BRCA2: variants seen among roughly 807,000 people sequenced by gnomAD.
BRCA2 encodes the protein breast cancer type 2 susceptibility protein.
Under a neutral mutation model 276.7 loss-of-function variants are expected in BRCA2, and 203 were observed. That is an observed-to-expected ratio of 0.73 (90% CI 0.65 to 0.82). The LOEUF (loss-of-function observed/expected upper bound fraction) is 0.82. BRCA2 is among the 40% of genes least tolerant of loss of function. The probability of loss-of-function intolerance (pLI) is 0.00; values close to 1 mark genes in which losing one functional copy is unlikely to be tolerated. For missense variants in BRCA2, 3,920 were observed against 3,915.0 expected (o/e 1.00, Z -0.03); for synonymous variants, 1,289 against 1,338.4 (o/e 0.96, Z 0.81).
rs2137622236 is a variant in BRCA2 at position 32,379,779 on chromosome 13, G to T, written c.8983G>T (p.Asp2995Tyr). 1 of 1,612,698 alleles carries T rather than the reference G, an allele frequency of 6.2e-7. No individual in the cohort carries two copies. Among genetic ancestry groups the T allele is most frequent in the Non-Finnish European group, 8.5e-7 (1 of 1,178,824 alleles). ...ACTGAGTATTTGGCGTCCATCATCA[G>T]ATTTATATTCTCTGTTAACAGAAGG... ...VILSIWRPSS[D>Y]LYSLLTEGKR... Residue 2995 changes from aspartate to tyrosine, a missense_variant, in exon 23 of 27, where the codon GAT (aspartate) becomes TAT (tyrosine). This residue lies in a region of BRCA2 where 657 missense variants were observed against 758.2 expected (regional missense o/e 0.87). Transcript: ENST00000380152.
rs1566224563 is a variant in BRCA2, at chr13:32,333,362, A to G, written c.1884A>G (p.Pro628=). 1.2e-6 allele frequency: 2 copies of G among 1,609,430 alleles called. No homozygotes were observed. Among genetic ancestry groups the G allele is most frequent in the African/African-American group, 1.3e-5 (1 of 74,760 alleles). Reference sequence around the variant, plus strand: ...TTGAAGCAAATGCTTTTGAAGCACCACTTACATTTGCAAATGCTGATTCAG... The same window carrying G: ...TTGAAGCAAATGCTTTTGAAGCACCGCTTACATTTGCAAATGCTGATTCAG... The part of the protein sequence containing the change: ...AQFEANAFEA[P]LTFANADSGL... Residue 628 remains proline, a synonymous_variant, in exon 10 of 27, where the codon CCA becomes CCG. Transcript: ENST00000380152.
intron 24 of BRCA2, among the ~76,000 whole-genome samples, chr13:32,392,584 C>T (rs1228597027): frequency 1.2e-4 from 5 of 42,250 alleles, no homozygotes; most frequent in East Asian, 6.3e-4. Context: ...AGTGAGACTG[C>T]GTCTCAAAAA....
intron 13 of BRCA2, among the ~76,000 whole-genome samples, chr13:32,351,092 G>A (rs1566239315): frequency 6.6e-6 from 1 of 152,164 alleles, no homozygotes; most frequent in South Asian, 2.1e-4. Context: ...ATAAAAGCTG[G>A]CCACCTGAGC....
At position 32,335,756 on chromosome 13, in the gene BRCA2, A is replaced by T. The variant is rs1413696038; in HGVS notation, c.1910-509A>T. ...ATTATTAAAAAAACAACTTAGGTCT[A>T]ATTTATCTTGAGCTAAAAAATGTAA... On this transcript the variant is annotated intron_variant, in intron 10 of 26. Transcript: ENST00000380152. Among the ~76,000 whole-genome samples, 2 of 152,190 alleles carry T rather than the reference A, an allele frequency of 1.3e-5. 1 individual carries two copies. The highest frequency in any genetic ancestry group is 4.8e-5 in the African/African-American group (2 of 41,454).
chr13:32,316,394 A>G, intron 1 of BRCA2, 28 bp from the exon 2 acceptor site: 3 of 1,349,086 alleles, frequency 2.2e-6, no homozygotes, highest in South Asian at 1.2e-5. Flanking sequence ...ATCCCTGTGT[A>G]AGTGCATTTT....
rs1244178555 is a variant in BRCA2 at position 32,330,916 on chromosome 13, C to T, written c.682-3C>T. The T allele has an allele frequency of 3.2e-6, 5 of 1,577,610 alleles. No individual in the cohort carries two copies. Among genetic ancestry groups the T allele is most frequent in the Non-Finnish European group, 4.4e-6 (5 of 1,147,720 alleles). ...TAGTGATTTTAAACTATAATTTTTGCAGAATGTGAAAAGCTATTTTTCCAA... is the reference window on the plus strand; with the variant it reads ...TAGTGATTTTAAACTATAATTTTTGTAGAATGTGAAAAGCTATTTTTCCAA... On this transcript the variant is annotated splice_polypyrimidine_tract_variant and splice_region_variant and intron_variant, in intron 8 of 26. Transcript: ENST00000380152.
rs11571663 is a variant in BRCA2, at chr13:32,341,669, A to G, written c.6841+473A>G. On this transcript the variant is annotated intron_variant, in intron 11 of 26. Transcript: ENST00000380152. ...ATCACGAGGTCAGGAGATCGAGACC[A>G]TCCCGGCTAAAACGGTGAAACCCCG... is the stretch of plus-strand genomic sequence containing the variant. Among the ~76,000 whole-genome samples the G allele has an allele frequency of 0.041, 6,230 of 152,096 alleles. 218 individuals carry two copies. The highest frequency in any genetic ancestry group is 0.11 in the South Asian group (553 of 4,816).
Position 32,346,900 on chromosome 13 carries a change from A to C in BRCA2, c.7007+4A>C. The C allele has an allele frequency of 6.2e-7, 1 of 1,602,338 alleles. No individual in the cohort carries two copies. The highest frequency in any genetic ancestry group is 1.1e-5 in the South Asian group (1 of 89,560). ...CGATTACCTGTGTACCCTTTCGGTA[A>C]GACATGTTTAAATTTTTCTAAATTC... On this transcript the variant is annotated splice_donor_region_variant and intron_variant, in intron 13 of 26. Coordinates refer to ENST00000380152, the MANE Select transcript of BRCA2 (RefSeq NM_000059.4).
intron 2 of BRCA2, among the ~76,000 whole-genome samples, chr13:32,318,675 T>C (rs546884052): frequency 6.6e-6 from 1 of 152,208 alleles, no homozygotes; most frequent in Non-Finnish European, 1.5e-5. Context: ...TCTGACCTCG[T>C]GATCTGCTCG....
intron 13 of BRCA2, among the ~76,000 whole-genome samples, chr13:32,350,531 C>T (rs769978834): frequency 4.1e-4 from 63 of 152,164 alleles, no homozygotes; most frequent in Non-Finnish European, 7.8e-4. Flanking sequence ...GGGTGGATCA[C>T]AAGGTCAGGA....
At position 32,340,966 on chromosome 13, in the gene BRCA2, C is replaced by A. The variant is rs1555284771; in HGVS notation, c.6611C>A (p.Pro2204His). The stretch of plus-strand genomic sequence containing the variant: ...AAAACTGAAACTTTTTCTGATGTTC[C>A]TGTGAAAACAAATATAGAAGTTTGT... ...IGKTETFSDV[P>H]VKTNIEVCST... The change falls in exon 11 of 27, where the codon CCT becomes CAT. Residue 2204 changes from proline (P) to histidine (H), a missense_variant. This residue lies in a region of BRCA2 where 3,263 missense variants were observed against 3,156.9 expected (regional missense o/e 1.03). Coordinates refer to ENST00000380152, the MANE Select transcript of BRCA2 (RefSeq NM_000059.4). 1 of 1,608,908 alleles carries A rather than the reference C, an allele frequency of 6.2e-7. No homozygotes were observed. The highest frequency in any genetic ancestry group is 1.3e-5 in the African/African-American group (1 of 74,590).
chr13:32,329,418 A>G (rs375028183), intron 7 of BRCA2, 25 bp from the exon 8 acceptor site: 89 of 1,546,388 alleles, frequency 5.8e-5, no homozygotes, highest in Non-Finnish European at 7.7e-5. Context: ...ATAATATACA[A>G]TACACATAAA....
rs140570300 is a variant in BRCA2 at position 32,375,530 on chromosome 13, C to G, written c.8633-1140C>G. The G allele has an allele frequency of 6.9e-4, 171 of 248,978 alleles. 1 individual carries two copies. The East Asian group carries it at 0.021, about 30-fold the overall frequency. 15.4% of individuals were successfully genotyped at this position (248,978 alleles called of 1,614,324 possible). On this transcript the variant is annotated intron_variant, in intron 20 of 26. Transcript: ENST00000380152. ...CTTTACCCATATCTATCAGAGAAAT[C>G]ACTATGGCAGCTATTCTTTATAAGA... is the stretch of plus-strand genomic sequence containing the variant.
intron 11 of BRCA2, among the ~76,000 whole-genome samples, chr13:32,343,568 T>C (rs1245184464): frequency 2.0e-5 from 3 of 152,216 alleles, no homozygotes; most frequent in African/African-American, 7.2e-5. Context: ...GTACTTAAAC[T>C]ATTTGCTGTC....
chr13:32,391,240 C>G (rs1485014728), intron 24 of BRCA2, among the ~76,000 whole-genome samples: 1 of 152,144 alleles, frequency 6.6e-6, no homozygotes, highest in East Asian at 1.9e-4. Context: ...AACAGACTTA[C>G]AGATTTCATG....
Position 32,320,015 on chromosome 13 carries a change from G to C in BRCA2, c.316+690G>C, listed in dbSNP as rs540528844. On this transcript the variant is annotated intron_variant, in intron 3 of 26. Coordinates refer to ENST00000380152, the MANE Select transcript of BRCA2 (RefSeq NM_000059.4). Reference sequence around the variant, plus strand: ...GAGCTAAACCTTGAAGGATAGGTGAGAGATTAAGAAATTTGAAGATGTGGT... The same window carrying C: ...GAGCTAAACCTTGAAGGATAGGTGACAGATTAAGAAATTTGAAGATGTGGT... 3.3e-5 allele frequency among the ~76,000 whole-genome samples: 5 copies of C among 152,326 alleles called. No individual in the cohort carries two copies. The South Asian group carries it at 1.0e-3, about 32-fold the overall frequency.
intron 16 of BRCA2, among the ~76,000 whole-genome samples, chr13:32,361,017 A>T (rs986599966): frequency 6.6e-6 from 1 of 152,216 alleles, no homozygotes. Flanking sequence ...GAAGCTTGAG[A>T]TGTAATAGTA....
In BRCA2 at chr13:32,340,868, G is replaced by C. The variant is rs206076; in HGVS notation, c.6513G>C (p.Val2171=). 1,593,842 of 1,600,494 alleles carry C rather than the reference G, an allele frequency of 1. 793,827 individuals are homozygous for C. The highest frequency in any genetic ancestry group is 1 in the East Asian group (44,757 of 44,758). The change falls in exon 11 of 27, where the codon GTG becomes GTC. Residue 2171 remains valine, a synonymous_variant. Transcript: ENST00000380152. ...AACAGTTGGTATTAGGAACCAAAGT[G>C]TCACTTGTTGAGAACATTCATGTTT... ...DKQQLVLGTK[V]SLVENIHVLG... is the part of the protein sequence containing the mutation.
chr13:32,353,656 G>A (rs1434287310), intron 13 of BRCA2, among the ~76,000 whole-genome samples: 1 of 152,122 alleles, frequency 6.6e-6, no homozygotes, highest in Non-Finnish European at 1.5e-5. Flanking sequence ...TTGTTACCGT[G>A]TTCCCCAGCA....
Sources: gnomAD v4.1 joint callset for allele counts (sites outside exome capture counted in the v4.1 genomes callset) on GRCh38, gnomAD v4.1.1 for gene constraint, gnomAD v4.1.1 regional missense constraint, MANE v1.5 for transcripts, NCBI Gene and HGNC (gene_info 2026-07-23, HGNC 2026-07-21) for gene names.